The following ZSWIM6 variants were observed in gnomAD, a reference collection of about 807,000 sequenced individuals.
ZSWIM6 encodes zinc finger SWIM domain-containing protein 6.
In ZSWIM6, 9 loss-of-function variants were observed where a neutral mutation model predicts 113.2. That is an observed-to-expected ratio of 0.08 (90% CI 0.05 to 0.14). The LOEUF is 0.14. Ranked by LOEUF, ZSWIM6 falls within the 10% of genes least tolerant of loss-of-function variation. ZSWIM6 has a pLI of 1.00. For missense variants in ZSWIM6, 1,162 were observed against 1,552.2 expected (o/e 0.75, Z 4.22); for synonymous variants, 611 against 606.5 (o/e 1.01, Z -0.11).
intron 8 of ZSWIM6, among the ~76,000 whole-genome samples, chr5:61,531,030 A>G (rs949245902): frequency 6.6e-6 from 1 of 152,262 alleles, no homozygotes; most frequent in Non-Finnish European, 1.5e-5. Context: ...GATAATAAAA[A>G]GGACTTGAAA....
At chr5:61,348,258 T>C (rs1298498209) in intron 1 of ZSWIM6, among the ~76,000 whole-genome samples, 1 of 151,942 alleles carries the variant, frequency 6.6e-6, no homozygotes, top group Non-Finnish European at 1.5e-5. Flanking sequence ...AAAAAGAATG[T>C]AGTTTGTATT....
At chr5:61,451,646 T>G (rs1423482298) in intron 1 of ZSWIM6, among the ~76,000 whole-genome samples, 2 of 152,218 alleles carry the variant, frequency 1.3e-5, no homozygotes, top group Non-Finnish European at 2.9e-5. Flanking sequence ...AAAGGTTCTT[T>G]CTTTTAAATG....
intron 4 of ZSWIM6, among the ~76,000 whole-genome samples, chr5:61,512,701 C>G (rs1748822923): frequency 6.6e-6 from 1 of 151,812 alleles, no homozygotes; most frequent in Admixed American, 6.6e-5. Flanking sequence ...TCATTGTGAT[C>G]TTAATTTGTA....
In ZSWIM6 at chr5:61,447,206, C is replaced by T. The variant is rs938901233; in HGVS notation, c.677-25475C>T. Among the ~76,000 whole-genome samples, 4 of 151,886 alleles carry T rather than the reference C, an allele frequency of 2.6e-5. No homozygotes were observed. In the East Asian group the frequency reaches 5.8e-4, roughly 22 times the overall value. The stretch of plus-strand genomic sequence containing the variant: ...CAGCAAAATGAGAAGTTAGGAGAGA[C>T]CTAACTTATGCAGATTCCAAAGAAT... On this transcript the variant is annotated intron_variant, in intron 1 of 13. Coordinates refer to ENST00000252744, the MANE Select transcript of ZSWIM6 (RefSeq NM_020928.2).
intron 1 of ZSWIM6, among the ~76,000 whole-genome samples, chr5:61,445,001 A>T (rs189005649): frequency 6.6e-6 from 1 of 152,354 alleles, no homozygotes; most frequent in East Asian, 1.9e-4. Context: ...TATTCTGCAG[A>T]AACCCTATCA....
In ZSWIM6 at chr5:61,375,222, A is replaced by C; in HGVS notation, c.676+42274A>C. 4 of 1,613,158 alleles carry C rather than the reference A, an allele frequency of 2.5e-6. No homozygotes were observed. In the Admixed American group the frequency reaches 5.0e-5, roughly 20 times the overall value. On this transcript the variant is annotated intron_variant, in intron 1 of 13. Coordinates refer to ENST00000252744, the MANE Select transcript of ZSWIM6 (RefSeq NM_020928.2). ...CAATACAGGATTATCTGAATCGACC[A>C]AGGCCTACCTGGGAAGAAGTAAAAG...
At chr5:61,407,617 A>C (rs768484726) in intron 1 of ZSWIM6, among the ~76,000 whole-genome samples, 8 of 152,204 alleles carry the variant, frequency 5.3e-5, no homozygotes, top group Non-Finnish European at 1.0e-4. Context: ...TTTTCGAAAA[A>C]CATAAGCTCC....
intron 1 of ZSWIM6, among the ~76,000 whole-genome samples, chr5:61,413,095 G>A (rs1387479446): frequency 2.0e-5 from 3 of 149,132 alleles, no homozygotes; most frequent in East Asian, 2.0e-4. Flanking sequence ...ATACGTATAC[G>A]TGTGCCATGC....
chr5:61,517,902 G>C (rs369149275), intron 4 of ZSWIM6, among the ~76,000 whole-genome samples: 1 of 148,836 alleles, frequency 6.7e-6, no homozygotes, highest in Non-Finnish European at 1.5e-5. Flanking sequence ...CCACTAACTC[G>C]TCATCTAGCA....
At position 61,544,006 on chromosome 5, in the gene ZSWIM6, C is replaced by G. The variant is rs975367308; in HGVS notation, c.3337C>G (p.Leu1113Val). ...GTCAGACATTTTGCGCAGATGCACT[C>G]TGACCACTCCTGGCATGGTGGGACT... ...VLSDILRRCT[L>V]TTPGMVGLHG... Residue 1113 changes from leucine (L) to valine (V), a missense_variant, in exon 14 of 14, where the codon CTG (leucine) becomes GTG (valine). Coordinates refer to ENST00000252744, the MANE Select transcript of ZSWIM6 (RefSeq NM_020928.2). 6.4e-7 allele frequency: 1 copy of G among 1,551,980 alleles called. No individual in the cohort carries two copies. The highest frequency in any genetic ancestry group is 8.7e-7 in the Non-Finnish European group (1 of 1,147,044).
At position 61,332,500 on chromosome 5, in the gene ZSWIM6, G is replaced by A. The variant is rs533927298; in HGVS notation, c.228G>A (p.Ser76=). 6 of 1,279,538 alleles carry A rather than the reference G, an allele frequency of 4.7e-6. No individual in the cohort carries two copies. The highest frequency in any genetic ancestry group is 6.1e-6 in the Non-Finnish European group (6 of 983,102). The allele number at this position is 1,279,538 out of a possible 1,614,324, so 79.3% of individuals were successfully genotyped here. ...LPPGKTQSPE[S]LLDIAARRVA... ...CGGGCAAGACCCAGAGCCCCGAGTCGCTGCTGGACATCGCGGCGCGCAGGG... is the reference window on the plus strand; with the variant it reads ...CGGGCAAGACCCAGAGCCCCGAGTCACTGCTGGACATCGCGGCGCGCAGGG... Residue 76 remains serine (S), a synonymous_variant, in exon 1 of 14, where the codon TCG becomes TCA. Transcript: ENST00000252744.
At chr5:61,467,749 T>A (rs1747467621) in intron 1 of ZSWIM6, among the ~76,000 whole-genome samples, 1 of 152,190 alleles carries the variant, frequency 6.6e-6, no homozygotes, top group African/African-American at 2.4e-5. Context: ...CAGAACTTAA[T>A]AGGAAAATGG....
At chr5:61,351,642 A>C (rs746255655) in intron 1 of ZSWIM6, among the ~76,000 whole-genome samples, 53 of 152,278 alleles carry the variant, frequency 3.5e-4, no homozygotes, top group Admixed American at 1.3e-3. Context: ...TATTCTCATA[A>C]ATCCTTGCCT....
At chr5:61,355,468 A>G (rs1424267776) in intron 1 of ZSWIM6, among the ~76,000 whole-genome samples, 2 of 150,152 alleles carry the variant, frequency 1.3e-5, no homozygotes, top group Non-Finnish European at 3.0e-5. Context: ...ACACACACAC[A>G]CACACACACA....
chr5:61,465,294 T>C (rs934345928), intron 1 of ZSWIM6, among the ~76,000 whole-genome samples: 9 of 152,212 alleles, frequency 5.9e-5, no homozygotes. Flanking sequence ...AGACAATGAT[T>C]GTTTCCCTTA....
At position 61,543,900 on chromosome 5, in the gene ZSWIM6, G is replaced by C; in HGVS notation, c.3231G>C (p.Ala1077=). 1 of 1,551,870 alleles carries C rather than the reference G, an allele frequency of 6.4e-7. No homozygotes were observed. The highest frequency in any genetic ancestry group is 8.7e-7 in the Non-Finnish European group (1 of 1,147,038). ...TTAATGATGTTTTGTGGGCCTGTGC[G>C]CTTAGCCACTCCCTTGGTAAAAATG... ...PAINDVLWAC[A]LSHSLGKNEL... is the part of the protein sequence containing the mutation. The change falls in exon 14 of 14, where the codon GCG becomes GCC. Residue 1077 remains alanine, a synonymous_variant. Coordinates refer to ENST00000252744, the MANE Select transcript of ZSWIM6 (RefSeq NM_020928.2). The surrounding 1 kb of genome is among the most constrained non-coding windows in gnomAD (Gnocchi z 4.3).
intron 1 of ZSWIM6, among the ~76,000 whole-genome samples, chr5:61,363,890 C>T (rs886707550): frequency 1.6e-5 from 2 of 123,520 alleles, no homozygotes; most frequent in African/African-American, 6.0e-5. Flanking sequence ...CCTTCCTTCC[C>T]TCCTTCCCTC....
At chr5:61,520,728 G>C (rs150021391) in intron 4 of ZSWIM6, among the ~76,000 whole-genome samples, 11 of 152,198 alleles carry the variant, frequency 7.2e-5, no homozygotes, top group African/African-American at 2.4e-4. Flanking sequence ...AGGAGAACAG[G>C]AAGTTATTTG....
At chr5:61,460,176 A>G (rs1200878072) in intron 1 of ZSWIM6, among the ~76,000 whole-genome samples, 1 of 152,314 alleles carries the variant, frequency 6.6e-6, no homozygotes, top group East Asian at 1.9e-4. Flanking sequence ...TCAGCCATAC[A>G]TGTCCAGGTA....
Sources: allele counts gnomAD v4.1 joint callset (sites outside exome capture counted in the v4.1 genomes callset), GRCh38; gene constraint gnomAD v4.1.1; non-coding constraint Gnocchi (gnomAD v3.1); transcripts MANE v1.5; gene names NCBI Gene and HGNC (gene_info 2026-07-23, HGNC 2026-07-21).